C2orf92: variants seen among roughly 807,000 people sequenced by gnomAD.
C2orf92 encodes uncharacterized protein C2orf92.
At chr2:97,689,821 G>A (rs779083560) in intron 4 of C2orf92, among the ~76,000 whole-genome samples, 19 of 152,124 alleles carry the variant, frequency 1.2e-4, no homozygotes, top group Non-Finnish European at 2.4e-4. Context: ...TTCTATATTA[G>A]CATTTCAACT....
chr2:97,686,546 C>G (rs969769260), intron 3 of C2orf92, among the ~76,000 whole-genome samples: 2 of 152,010 alleles, frequency 1.3e-5, no homozygotes, highest in African/African-American at 4.8e-5. Context: ...CAGCCTCCCG[C>G]GTAGCTGGGA....
At chr2:97,675,345 A>C (rs1675540662) in intron 2 of C2orf92, among the ~76,000 whole-genome samples, 1 of 152,248 alleles carries the variant, frequency 6.6e-6, no homozygotes, top group African/African-American at 2.4e-5. Context: ...TCACTGCATA[A>C]TCTCAATAGC....
At chr2:97,702,288 AC>A (rs1270268676) in intron 7 of C2orf92, 1 of 156,728 alleles carries the variant, frequency 6.4e-6, no homozygotes, top group Admixed American at 6.5e-5. Flanking sequence ...GGCTCCTGGA[AC>A]TGGTGACTTA....
Position 97,702,882 on chromosome 2 carries a change from T to C in C2orf92, c.*81T>C. ...CCATCTGCGCACCACAGGGAGGCAA[T>C]TCCATTTCTGCCCGGGAGGTGTATT... is the stretch of plus-strand genomic sequence containing the variant. On this transcript the variant is annotated 3_prime_UTR_variant, in exon 8 of 8. Transcript: ENST00000627399. 1 of 398,098 alleles carries C rather than the reference T, an allele frequency of 2.5e-6. No homozygotes were observed. Among genetic ancestry groups the C allele is most frequent in the Non-Finnish European group, 4.4e-6 (1 of 225,648 alleles). 24.7% of individuals were successfully genotyped at this position (398,098 alleles called of 1,614,324 possible). A position where few individuals can be genotyped will look rare whatever the true frequency, so the allele number is the denominator to read the frequency against.
At chr2:97,667,329 CTG>C (rs1675268066), upstream of C2orf92, among the ~76,000 whole-genome samples, 1 of 144,452 alleles carries the variant, frequency 6.9e-6, no homozygotes, top group African/African-American at 2.6e-5. Flanking sequence ...GTGGCGCAAT[CTG>C]GGCTCACTGC....
At chr2:97,684,002 T>C (rs1415315641) in intron 3 of C2orf92, among the ~76,000 whole-genome samples, 8 of 148,488 alleles carry the variant, frequency 5.4e-5, no homozygotes, top group Non-Finnish European at 1.2e-4. Context: ...GTAGCTGGGA[T>C]TACAGGTATG....
At chr2:97,685,574 T>C (rs1199452145) in intron 3 of C2orf92, among the ~76,000 whole-genome samples, 3 of 150,056 alleles carry the variant, frequency 2.0e-5, no homozygotes, top group African/African-American at 7.4e-5. Context: ...TTTTTTTTTC[T>C]TTTTTTGAGA....
intron 3 of C2orf92, among the ~76,000 whole-genome samples, chr2:97,679,717 A>T (rs972887804): frequency 2.0e-5 from 3 of 151,450 alleles, no homozygotes; most frequent in Non-Finnish European, 4.4e-5. Context: ...GGTGCCTGTA[A>T]TCCCAGCTAC....
upstream of C2orf92, chr2:97,663,946 C>A: frequency 5.2e-6 from 1 of 193,426 alleles, no homozygotes; most frequent in Non-Finnish European, 1.1e-5. Context: ...ACCGGATGGG[C>A]GGGCGGGCGG....
Position 97,695,675 on chromosome 2 carries a change from T to A in C2orf92, c.404-3351T>A, listed in dbSNP as rs549509589. 3.9e-5 allele frequency among the ~76,000 whole-genome samples: 6 copies of A among 152,380 alleles called. No individual in the cohort carries two copies. In the East Asian group the frequency reaches 7.7e-4, roughly 20 times the overall value. ...TCAGTCAATTGCTTTAACATAATTTTACTTTCAAATCTTTATTTTTCCTTC... is the reference window on the plus strand; with the variant it reads ...TCAGTCAATTGCTTTAACATAATTTAACTTTCAAATCTTTATTTTTCCTTC... On this transcript the variant is annotated intron_variant, in intron 5 of 7. Transcript: ENST00000627399.
At chr2:97,678,275 A>T (rs1449992830) in intron 3 of C2orf92, among the ~76,000 whole-genome samples, 2 of 151,870 alleles carry the variant, frequency 1.3e-5, no homozygotes, top group Non-Finnish European at 2.9e-5. Context: ...TGAGAAGCAG[A>T]AAGAAAAAAA....
rs1676487847 is a variant in C2orf92 at position 97,701,275 on chromosome 2, G to T, written c.636G>T (p.Leu212Phe). 3 of 399,086 alleles carry T rather than the reference G, an allele frequency of 7.5e-6. No individual in the cohort carries two copies. The allele number at this position is 399,086 out of a possible 1,614,324, so 24.7% of individuals were successfully genotyped here. ...CCATCGTGCTGTTGCTGCTTGGGTT[G>T]GCCTCATACATCAGGAAGAAACAGC... is the stretch of plus-strand genomic sequence containing the variant. Reference protein sequence around the residue: ...LMAIVLLLLGLASYIRKKQPS... With the variant: ...LMAIVLLLLGFASYIRKKQPS... The change falls in exon 7 of 8, where the codon TTG becomes TTT. Residue 212 changes from leucine (L) to phenylalanine (F), a missense_variant. Transcript: ENST00000627399.
chr2:97,684,553 A>G (rs1199917325), intron 3 of C2orf92, among the ~76,000 whole-genome samples: 1 of 152,186 alleles, frequency 6.6e-6, no homozygotes, highest in East Asian at 1.9e-4. Context: ...AATCTTCATG[A>G]CCTTGAATTA....
chr2:97,664,484 T>C (rs1675138513), intron 1 of C2orf92: 1 of 152,230 alleles, frequency 6.6e-6, no homozygotes, highest in Non-Finnish European at 1.5e-5. Flanking sequence ...TAAGGTGTCT[T>C]GCTCTGTCGC....
At chr2:97,688,509 A>G (rs2104577804) in intron 3 of C2orf92, among the ~76,000 whole-genome samples, 1 of 152,320 alleles carries the variant, frequency 6.6e-6, no homozygotes, top group African/African-American at 2.4e-5. Context: ...CTGAGCTTTT[A>G]GAATCTGTTC....
In C2orf92 at chr2:97,701,027, G is replaced by A. The variant is rs111489430; in HGVS notation, c.515-127G>A. The A allele has an allele frequency of 5.6e-3, 2,151 of 383,276 alleles. 27 individuals carry two copies. Among genetic ancestry groups the A allele is most frequent in the African/African-American group, 0.031 (1,506 of 48,456 alleles). 23.7% of individuals were successfully genotyped at this position (383,276 alleles called of 1,614,324 possible). A position where few individuals can be genotyped will look rare whatever the true frequency, so the allele number is the denominator to read the frequency against. On this transcript the variant is annotated intron_variant, in intron 6 of 7. Coordinates refer to ENST00000627399, the MANE Select transcript of C2orf92 (RefSeq NM_001351368.2). The stretch of plus-strand genomic sequence containing the variant: ...ATTACAGGCGTGAGCCACCGCGCCC[G>A]GCCGAGATGCCAAGGTTTCTATTCT...
intron 5 of C2orf92, among the ~76,000 whole-genome samples, chr2:97,692,146 G>T (rs978532186): frequency 6.6e-6 from 1 of 152,098 alleles, no homozygotes; most frequent in Non-Finnish European, 1.5e-5. Flanking sequence ...CTAGAAATGG[G>T]AATGCCTTTC....
At chr2:97,678,590 C>T (rs1675658977) in intron 3 of C2orf92, among the ~76,000 whole-genome samples, 1 of 151,994 alleles carries the variant, frequency 6.6e-6, no homozygotes, top group East Asian at 1.9e-4. Context: ...AAAAGGAACC[C>T]TCAATAAAAT....
intron 5 of C2orf92, among the ~76,000 whole-genome samples, chr2:97,696,228 C>T (rs1676301522): frequency 6.6e-6 from 1 of 152,174 alleles, no homozygotes; most frequent in South Asian, 2.1e-4. Flanking sequence ...AGAGGCTGAT[C>T]TCCTTGATAG....
Sources: gnomAD v4.1 joint callset for allele counts (sites outside exome capture counted in the v4.1 genomes callset) on GRCh38, gnomAD v4.1.1 for gene constraint, MANE v1.5 for transcripts, NCBI Gene and HGNC (gene_info 2026-07-23, HGNC 2026-07-21) for gene names.